Variants in IQGAP1 observed in about 807,000 individuals in gnomAD.
IQGAP1 encodes IQ motif containing GTPase activating protein 1.
In IQGAP1, 66 loss-of-function variants were observed where a neutral mutation model predicts 215.6. The ratio of observed to expected loss-of-function variants is 0.31; its 90% CI spans 0.25 to 0.38. The LOEUF (loss-of-function observed/expected upper bound fraction) is 0.38. IQGAP1 is among the 10% of genes least tolerant of loss of function. IQGAP1 has a pLI of 1.00. For synonymous variants in IQGAP1, 772 were observed against 728.7 expected (o/e 1.06, Z -0.96); for missense variants, 1,712 against 1,997.1 (o/e 0.86, Z 2.72).
In IQGAP1 at chr15:90,477,838, A is replaced by G. The variant is rs778056404; in HGVS notation, c.3278A>G (p.Asp1093Gly). ...KSLNIKTDPVDIYKSWVNQME... is the reference protein window; with the variant it reads ...KSLNIKTDPVGIYKSWVNQME... ...CTCAACATCAAAACTGACCCTGTGG[A>G]TATTTACAAATCTTGGGTTAATCAG... Residue 1093 changes from aspartate to glycine, a missense_variant, in exon 26 of 38, where the codon GAT (aspartate) becomes GGT (glycine). Physicochemically the swap from Asp to Gly is moderately conservative, Grantham distance 94. Coordinates refer to ENST00000268182, the MANE Select transcript of IQGAP1 (RefSeq NM_003870.4). The G allele has an allele frequency of 6.2e-7, 1 of 1,614,030 alleles. No homozygotes were observed. The highest frequency in any genetic ancestry group is 1.1e-5 in the South Asian group (1 of 91,066).
In IQGAP1 at chr15:90,467,593, G is replaced by A; in HGVS notation, c.2178+1G>A. 6.2e-7 allele frequency: 1 copy of A among 1,603,748 alleles called. No homozygotes were observed. Among genetic ancestry groups the A allele is most frequent in the Non-Finnish European group, 8.5e-7 (1 of 1,176,960 alleles). On this transcript the variant is annotated splice_donor_variant, in intron 18 of 37. Transcript: ENST00000268182. LOFTEE classifies it high-confidence loss of function. ...GCAGCTTTCTCGGGAGGAGATCCAG[G>A]TAGGTTACCTTTCTTCACGTAAGAA...
At chr15:90,467,310 T>C in intron 17 of IQGAP1, 140 bp from the exon 18 acceptor site, 4 of 722,220 alleles carry the variant, frequency 5.5e-6, no homozygotes, top group Non-Finnish European at 6.5e-6. Flanking sequence ...CATGCCCCTT[T>C]ACTCTCACAG....
At chr15:90,449,325 T>A (rs976231198) in intron 10 of IQGAP1, among the ~76,000 whole-genome samples, 12 of 152,194 alleles carry the variant, frequency 7.9e-5, no homozygotes, top group Admixed American at 7.9e-4. Context: ...TTTTTGAGGC[T>A]TTTCATGTAA....
intron 9 of IQGAP1, among the ~76,000 whole-genome samples, chr15:90,447,902 G>A (rs1965547304): frequency 6.6e-6 from 1 of 152,140 alleles, no homozygotes; most frequent in Non-Finnish European, 1.5e-5. Flanking sequence ...TTAGAAGAGA[G>A]AATGTGGAAA....
At chr15:90,478,177 G>C (rs751872162) in intron 26 of IQGAP1, among the ~76,000 whole-genome samples, 3 of 151,966 alleles carry the variant, frequency 2.0e-5, no homozygotes, top group Non-Finnish European at 4.4e-5. Flanking sequence ...TTTTTAGTAA[G>C]ACTGGGTTTC....
intron 11 of IQGAP1, 78 bp from the exon 12 acceptor site, chr15:90,452,693 ATTTT>A: frequency 6.9e-7 from 1 of 1,459,704 alleles, no homozygotes. Flanking sequence ...AGAATGTGAT[ATTTT>A]TCCCATGAAG....
chr15:90,477,910 C>G (rs1372380859), intron 26 of IQGAP1, 21 bp downstream of exon 26: 1 of 1,454,170 alleles, frequency 6.9e-7, no homozygotes, highest in Non-Finnish European at 9.7e-7. Context: ...CATAATGACA[C>G]TTTTCTTTCA....
Position 90,452,790 on chromosome 15 carries a change from C to G in IQGAP1, c.1178C>G (p.Ala393Gly). 1 of 1,614,092 alleles carries G rather than the reference C, an allele frequency of 6.2e-7. No homozygotes were observed. Among genetic ancestry groups the G allele is most frequent in the Non-Finnish European group, 8.5e-7 (1 of 1,179,992 alleles). ...QQYQRRLAAV[A>G]LINAAIQKGV... is the part of the protein sequence containing the mutation. ...TTTTACACAGGATTGGCAGCAGTAG[C>G]ACTGATTAATGCTGCAATCCAGAAG... Residue 393 changes from alanine (A) to glycine (G), a missense_variant, in exon 12 of 38, where the codon GCA (alanine) becomes GGA (glycine). Ala to Gly is a moderately conservative substitution (Grantham distance 60). Coordinates refer to ENST00000268182, the MANE Select transcript of IQGAP1 (RefSeq NM_003870.4).
intron 5 of IQGAP1, among the ~76,000 whole-genome samples, chr15:90,435,285 T>C (rs1225531006): frequency 1.3e-5 from 2 of 152,142 alleles, no homozygotes; most frequent in Non-Finnish European, 1.5e-5. Context: ...GAGACCATCC[T>C]GGGCAACGTA....
chr15:90,469,952 T>G (rs1965883451), intron 18 of IQGAP1, among the ~76,000 whole-genome samples: 1 of 152,168 alleles, frequency 6.6e-6, no homozygotes, highest in Non-Finnish European at 1.5e-5. Flanking sequence ...GAGGGCCTAA[T>G]GTGCTGTGCT....
chr15:90,417,617 C>T (rs1965071667), intron 2 of IQGAP1, among the ~76,000 whole-genome samples: 1 of 152,086 alleles, frequency 6.6e-6, no homozygotes, highest in South Asian at 2.1e-4. Flanking sequence ...TTATTGTAGC[C>T]TTGTAGTATA....
At chr15:90,403,211 G>T (rs1964828442) in intron 2 of IQGAP1, among the ~76,000 whole-genome samples, 1 of 152,156 alleles carries the variant, frequency 6.6e-6, no homozygotes, top group African/African-American at 2.4e-5. Context: ...AAGAGTTCGA[G>T]GCTGCAGTGA....
intron 14 of IQGAP1, among the ~76,000 whole-genome samples, chr15:90,455,406 G>C (rs1965664761): frequency 6.6e-6 from 1 of 152,088 alleles, no homozygotes; most frequent in Non-Finnish European, 1.5e-5. Flanking sequence ...GGAGTCATTG[G>C]TTGGCATAAA....
chr15:90,424,008 A>G (rs1375899557), intron 2 of IQGAP1, among the ~76,000 whole-genome samples: 1 of 151,280 alleles, frequency 6.6e-6, no homozygotes, highest in Admixed American at 6.6e-5. Context: ...ACTTCATTTT[A>G]AAAAGAAAAA....
At position 90,388,262 on chromosome 15, in the gene IQGAP1, C is replaced by A; in HGVS notation, c.-80C>A. 6.6e-7 allele frequency: 1 copy of A among 1,516,934 alleles called. No individual in the cohort carries two copies. The highest frequency in any genetic ancestry group is 9.0e-7 in the Non-Finnish European group (1 of 1,114,570). 94.0% of individuals were successfully genotyped at this position (1,516,934 alleles called of 1,614,324 possible). On this transcript the variant is annotated 5_prime_UTR_variant, in exon 1 of 38. Coordinates refer to ENST00000268182, the MANE Select transcript of IQGAP1 (RefSeq NM_003870.4). ...TCGGGGACCCCGGCAAGCCCGCGCA[C>A]TTGGCAGGAGCTGTAGCTACCGCCG...
chr15:90,483,634 G>A, intron 29 of IQGAP1, 41 bp downstream of exon 29: 1 of 1,399,940 alleles, frequency 7.1e-7, no homozygotes, highest in Non-Finnish European at 1.0e-6. Context: ...GTCTGTGGAT[G>A]TATTTTTATT....
chr15:90,431,545 A>G (rs1965303552), intron 4 of IQGAP1, among the ~76,000 whole-genome samples: 1 of 152,154 alleles, frequency 6.6e-6, no homozygotes, highest in Admixed American at 6.5e-5. Flanking sequence ...TGCTTTTTTA[A>G]TGATGTAATT....
At chr15:90,393,854 C>T (rs1964673291) in intron 2 of IQGAP1, 1 of 152,090 alleles carries the variant, frequency 6.6e-6, no homozygotes, top group South Asian at 2.1e-4. Flanking sequence ...GAGTAACTGA[C>T]CTGGCCCGGT....
intron 33 of IQGAP1, among the ~76,000 whole-genome samples, chr15:90,489,189 C>T (rs1004903174): frequency 6.7e-6 from 1 of 149,754 alleles, no homozygotes; most frequent in Admixed American, 6.7e-5. Context: ...ACTGCAGTGG[C>T]GTGATCTTGG....
Sources: allele counts gnomAD v4.1 joint callset (sites outside exome capture counted in the v4.1 genomes callset), GRCh38; gene constraint gnomAD v4.1.1; transcripts MANE v1.5; gene names NCBI Gene and HGNC (gene_info 2026-07-23, HGNC 2026-07-21).